CCDC88A: variants seen among roughly 807,000 people sequenced by gnomAD.
CCDC88A encodes coiled-coil and HOOK domain protein 88A, also known as girdin.
A neutral mutation model predicts 234.3 loss-of-function variants in CCDC88A; 54 were observed. The ratio of observed to expected loss-of-function variants is 0.23; its 90% CI spans 0.19 to 0.29. The LOEUF (loss-of-function observed/expected upper bound fraction) is 0.29. CCDC88A is among the 10% of genes least tolerant of loss of function. The probability of loss-of-function intolerance (pLI) is 1.00; values close to 1 mark genes in which losing one functional copy is unlikely to be tolerated. For synonymous variants in CCDC88A, 753 were observed against 737.8 expected (o/e 1.02, Z -0.33); for missense variants, 1,832 against 2,123.4 (o/e 0.86, Z 2.70).
chr2:55,336,673 G>A lies in CCDC88A; in HGVS notation c.1656+8C>T, dbSNP rs149748365. 1,990 of 1,526,030 alleles carry A rather than the reference G, an allele frequency of 1.3e-3. 24 individuals carry two copies. In the African/African-American group the frequency reaches 0.025, roughly 19 times the overall value. 94.5% of individuals were successfully genotyped at this position (1,526,030 alleles called of 1,614,324 possible). On this transcript the variant is annotated splice_region_variant and intron_variant, in intron 14 of 32. Transcript: ENST00000436346. ...ATACATTGTTTACTTAGTAAAAAAT[G>A]TATGAACCTGTCTCTCTGAATTTTC...
rs1457963440 is a variant in CCDC88A at position 55,303,058 on chromosome 2, TAA to T, written c.4471+9_4471+10del. The T allele has an allele frequency of 6.6e-7, 1 of 1,523,908 alleles. No individual in the cohort carries two copies. The highest frequency in any genetic ancestry group is 1.2e-5 in the South Asian group (1 of 83,472). The allele number at this position is 1,523,908 out of a possible 1,614,324, so 94.4% of individuals were successfully genotyped here. Reference sequence around the variant, plus strand: ...TCAGTTGAAAGAAGCTGAACTGTCATAAAGTCTTACACATGGAACGACGGTAG... The same window carrying T: ...TCAGTTGAAAGAAGCTGAACTGTCATAGTCTTACACATGGAACGACGGTAG... On this transcript the variant is annotated intron_variant, in intron 26 of 32. Transcript: ENST00000436346.
At chr2:55,350,568 C>T (rs1163070569) in intron 8 of CCDC88A, 2 of 150,044 alleles carry the variant, frequency 1.3e-5, no homozygotes, top group Non-Finnish European at 3.0e-5. Flanking sequence ...TTGTTCTCAT[C>T]TCGTGCCCTT....
At chr2:55,336,029 C>T (rs955357899) in intron 14 of CCDC88A, among the ~76,000 whole-genome samples, 3 of 150,918 alleles carry the variant, frequency 2.0e-5, no homozygotes, top group East Asian at 1.9e-4. Context: ...TTTGTCTCTA[C>T]CAAAAAATAA....
Position 55,288,844 on chromosome 2 carries a change from A to G in CCDC88A, c.*2356T>C, listed in dbSNP as rs1443811468. ...CTCCGATTCGTTTCCAGTTGGCTTT[A>G]TTATTGTTTGGCAGAAGTTGTTTAG... On this transcript the variant is annotated 3_prime_UTR_variant, in exon 33 of 33. Transcript: ENST00000436346. The G allele has an allele frequency of 6.6e-6, 1 of 152,164 alleles. No homozygotes were observed. The highest frequency in any genetic ancestry group is 2.4e-5 in the African/African-American group (1 of 41,444). The allele number at this position is 152,164 out of a possible 1,614,324, so 9.4% of individuals were successfully genotyped here.
Position 55,355,455 on chromosome 2 carries a change from T to C in CCDC88A, c.800+124A>G, listed in dbSNP as rs552284395. 2.4e-5 allele frequency: 15 copies of C among 614,592 alleles called. No individual in the cohort carries two copies. In the South Asian group the frequency reaches 2.9e-4, roughly 12 times the overall value. 38.1% of individuals were successfully genotyped at this position (614,592 alleles called of 1,614,324 possible). A position where few individuals can be genotyped will look rare whatever the true frequency, so the allele number is the denominator to read the frequency against. On this transcript the variant is annotated intron_variant, in intron 8 of 32. Coordinates refer to ENST00000436346, the MANE Select transcript of CCDC88A (RefSeq NM_001365480.1). The stretch of plus-strand genomic sequence containing the variant: ...GGAAAACCTTATGCCAACCTCCTTA[T>C]TTTTCTCATTTACTTGTGAAAACAC...
chr2:55,407,296 A>C (rs1483874531), intron 2 of CCDC88A, among the ~76,000 whole-genome samples: 1 of 152,092 alleles, frequency 6.6e-6, no homozygotes, highest in East Asian at 1.9e-4. Flanking sequence ...TTTTAACATA[A>C]GGATTATGTT....
chr2:55,298,288 GA>G (rs5831350), intron 29 of CCDC88A, among the ~76,000 whole-genome samples: 122,169 of 150,072 alleles, frequency 0.81, 52,011 homozygotes, highest in East Asian at 0.97. Context: ...TTTCAAATCA[GA>G]AAAAAAAAAA....
chr2:55,334,788 G>A lies in CCDC88A; in HGVS notation c.2033C>T (p.Thr678Ile), dbSNP rs1558688985. Reference sequence around the variant, plus strand: ...GGTCAGATTTTTAAAGCTATCCAATGTTTTTTTTAATTTTCTATTTTCTCT... The same window carrying A: ...GGTCAGATTTTTAAAGCTATCCAATATTTTTTTTAATTTTCTATTTTCTCT... ...LERENRKLKKTLDSFKNLTFQ... is the reference protein window; with the variant it reads ...LERENRKLKKILDSFKNLTFQ... The change falls in exon 15 of 33, where the codon ACA (threonine) becomes ATA (isoleucine). Residue 678 changes from threonine (T) to isoleucine (I), a missense_variant. By Grantham distance (89) the Thr-to-Ile change is moderately conservative. Coordinates refer to ENST00000436346, the MANE Select transcript of CCDC88A (RefSeq NM_001365480.1). This position sits in a 1 kb window ranked among gnomAD's most constrained non-coding sequence, Gnocchi z 6.1. 6.3e-7 allele frequency: 1 copy of A among 1,587,114 alleles called. No homozygotes were observed. Among genetic ancestry groups the A allele is most frequent in the Admixed American group, 1.8e-5 (1 of 54,582 alleles).
At chr2:55,395,350 T>C (rs544751232) in intron 2 of CCDC88A, among the ~76,000 whole-genome samples, 1 of 152,228 alleles carries the variant, frequency 6.6e-6, no homozygotes, top group Non-Finnish European at 1.5e-5. Context: ...TGAGTTACAC[T>C]GTTACATCAT....
At chr2:55,341,197 G>C (rs1260077865) in intron 12 of CCDC88A, among the ~76,000 whole-genome samples, 1 of 143,842 alleles carries the variant, frequency 7.0e-6, no homozygotes, top group Non-Finnish European at 1.5e-5. Context: ...CCAGGCTGGA[G>C]TGCAGTGGCA....
Position 55,295,924 on chromosome 2 carries a change from C to T in CCDC88A, c.5224G>A (p.Asp1742Asn). 6.2e-7 allele frequency: 1 copy of T among 1,614,076 alleles called. No individual in the cohort carries two copies. The highest frequency in any genetic ancestry group is 1.7e-5 in the Admixed American group (1 of 60,004). The part of the protein sequence containing the change: ...ARSVSGKTPG[D>N]FYDRRTTKPE... ...TTAGTTGTCCGTCTATCATAGAAGT[C>T]CCCTGGGGTTTTTCCACTTACTGAC... Residue 1742 changes from aspartate to asparagine, a missense_variant, in exon 31 of 33, where the codon GAC becomes AAC. Transcript: ENST00000436346.
intron 25 of CCDC88A, among the ~76,000 whole-genome samples, chr2:55,307,121 T>C (rs979655276): frequency 2.0e-5 from 3 of 152,304 alleles, no homozygotes; most frequent in Non-Finnish European, 4.4e-5. Flanking sequence ...CAAAGTATCC[T>C]GTTCACATAT....
chr2:55,317,482 T>A lies in CCDC88A; in HGVS notation c.3602+82A>T. The A allele has an allele frequency of 2.6e-6, 3 of 1,138,322 alleles. No homozygotes were observed. Among genetic ancestry groups the A allele is most frequent in the Non-Finnish European group, 3.6e-6 (3 of 830,238 alleles). The allele number at this position is 1,138,322 out of a possible 1,614,324, so 70.5% of individuals were successfully genotyped here. On this transcript the variant is annotated intron_variant, in intron 20 of 32. Coordinates refer to ENST00000436346, the MANE Select transcript of CCDC88A (RefSeq NM_001365480.1). This position sits in a 1 kb window ranked among gnomAD's most constrained non-coding sequence, Gnocchi z 4.2. Reference sequence around the variant, plus strand: ...ATTTCTTATGTAAACTAACATTAGATGTGTTTAATATATAAAATTTATTAT... The same window carrying A: ...ATTTCTTATGTAAACTAACATTAGAAGTGTTTAATATATAAAATTTATTAT...
At chr2:55,294,422 T>A in intron 31 of CCDC88A, 1 of 888,008 alleles carries the variant, frequency 1.1e-6, no homozygotes, top group Non-Finnish European at 1.3e-6. Flanking sequence ...GTATTAACAA[T>A]CTTTTAAATC....
chr2:55,300,121 T>C, intron 28 of CCDC88A: 1 of 515,974 alleles, frequency 1.9e-6, no homozygotes, highest in Non-Finnish European at 3.5e-6. Flanking sequence ...ATAGTTGAGA[T>C]TCAAAGAGGA....
At position 55,343,708 on chromosome 2, in the gene CCDC88A, C is replaced by T; in HGVS notation, c.1273G>A (p.Glu425Lys). 2 of 1,611,886 alleles carry T rather than the reference C, an allele frequency of 1.2e-6. No individual in the cohort carries two copies. The highest frequency in any genetic ancestry group is 1.7e-6 in the Non-Finnish European group (2 of 1,178,602). ...AGTTCCCAGCCAAGATGTAATGATT[C>T]ATCCATACTTTGTTTCTGTGCCATT... Reference protein sequence around the residue: ...LEMAQKQSMDESLHLGWELEQ... With the variant: ...LEMAQKQSMDKSLHLGWELEQ... The change falls in exon 12 of 33, where the codon GAA becomes AAA. Residue 425 changes from glutamate (E) to lysine (K), a missense_variant. By Grantham distance (56) the Glu-to-Lys change is moderately conservative (BLOSUM62 1). Around this residue, in one of 6 missense-constraint regions of CCDC88A, gnomAD observed 1,282 missense variants for 1,543.6 expected, o/e 0.83. Coordinates refer to ENST00000436346, the MANE Select transcript of CCDC88A (RefSeq NM_001365480.1).
intron 29 of CCDC88A, among the ~76,000 whole-genome samples, chr2:55,298,563 G>A (rs1680475159): frequency 6.6e-6 from 1 of 152,074 alleles, no homozygotes; most frequent in African/African-American, 2.4e-5. Flanking sequence ...CAAAACAAAT[G>A]CATTCCTTGT....
intron 29 of CCDC88A, among the ~76,000 whole-genome samples, chr2:55,298,883 A>G: frequency 6.6e-6 from 1 of 151,398 alleles, no homozygotes; most frequent in East Asian, 1.9e-4. Context: ...CAAAAAAAAA[A>G]AAAAAAAAAA....
At chr2:55,414,268 T>A (rs557329356) in intron 2 of CCDC88A, among the ~76,000 whole-genome samples, 1 of 152,340 alleles carries the variant, frequency 6.6e-6, no homozygotes, top group East Asian at 1.9e-4. Context: ...TTAACTACAA[T>A]GTCACAAATT....
Sources: gnomAD v4.1 joint callset for allele counts (sites outside exome capture counted in the v4.1 genomes callset) on GRCh38, gnomAD v4.1.1 for gene constraint, gnomAD v4.1.1 regional missense constraint, Gnocchi (gnomAD v3.1) non-coding constraint, MANE v1.5 for transcripts, NCBI Gene and HGNC (gene_info 2026-07-23, HGNC 2026-07-21) for gene names.